The following ATF7 variants were observed in gnomAD, a reference collection of about 807,000 sequenced individuals.
The protein encoded by ATF7 is activating transcription factor 7.
In ATF7, 10 loss-of-function variants were observed where a neutral mutation model predicts 50.4. That is an observed-to-expected ratio of 0.20 (90% CI 0.12 to 0.34). ATF7 has a LOEUF of 0.34. ATF7 is among the 10% of genes least tolerant of loss of function. The pLI, the probability that ATF7 is intolerant of heterozygous loss-of-function variation, is 1.00. For synonymous variants in ATF7, 201 were observed against 226.4 expected, an observed-to-expected ratio of 0.89 and a Z score of 1.01; for missense variants, 465 against 613.9, an observed-to-expected ratio of 0.76 and a Z score of 2.56.
chr12:53,622,652 CAAA>C (rs11348452), intron 1 of ATF7, among the ~76,000 whole-genome samples: 2,276 of 97,202 alleles, frequency 0.023, 52 homozygotes, highest in South Asian at 0.067. Flanking sequence ...AATTGCGTCT[CAAA>C]AAAAAAAAAA....
intron 1 of ATF7, among the ~76,000 whole-genome samples, chr12:53,607,342 C>T (rs2137858717): frequency 6.6e-6 from 1 of 152,192 alleles, no homozygotes; most frequent in East Asian, 1.9e-4. Flanking sequence ...TTTGGGAGTA[C>T]ATATTTAGAC....
chr12:53,554,220 G>A (rs1452885531), intron 2 of ATF7, among the ~76,000 whole-genome samples: 2 of 152,150 alleles, frequency 1.3e-5, no homozygotes, highest in African/African-American at 4.8e-5. Flanking sequence ...AACCTCTGCT[G>A]CCCATGTTCA....
chr12:53,551,305 A>G (rs934960142), intron 3 of ATF7, among the ~76,000 whole-genome samples: 2 of 152,272 alleles, frequency 1.3e-5, no homozygotes, highest in Middle Eastern at 3.4e-3. Context: ...GACTATAGCC[A>G]TGCATCATCA....
chr12:53,508,516 C>T (rs1335412936), downstream of ATF7, among the ~76,000 whole-genome samples: 1 of 150,526 alleles, frequency 6.6e-6, no homozygotes, highest in Non-Finnish European at 1.5e-5. Context: ...GCTGAGATGG[C>T]ACCACTACAC....
intron 2 of ATF7, among the ~76,000 whole-genome samples, chr12:53,564,616 C>T (rs549761535): frequency 1.3e-5 from 2 of 152,296 alleles, no homozygotes; most frequent in East Asian, 1.9e-4. Flanking sequence ...AAAAATCGTA[C>T]ACTCCAGTAT....
chr12:53,600,309 TC>T (rs376063484), intron 2 of ATF7, among the ~76,000 whole-genome samples: 307 of 152,286 alleles, frequency 2.0e-3, no homozygotes, highest in African/African-American at 7.1e-3. Flanking sequence ...GACTTTTATA[TC>T]CATGCAGGTT....
chr12:53,616,153 T>C (rs1436151778), intron 1 of ATF7, among the ~76,000 whole-genome samples: 1 of 152,110 alleles, frequency 6.6e-6, no homozygotes, highest in African/African-American at 2.4e-5. Flanking sequence ...TGGCAAAACA[T>C]GTGACCACAG....
At chr12:53,520,750 T>C (rs1219138096) in intron 11 of ATF7, among the ~76,000 whole-genome samples, 1 of 152,190 alleles carries the variant, frequency 6.6e-6, no homozygotes. Context: ...TCTCAATTAA[T>C]GACAACTTCA....
rs929984797 is a variant in ATF7 at position 53,602,888 on chromosome 12, G to T, written c.-21-1867C>A. ...GTAAACAAAAGTAAATAAATGCAAT[G>T]ACCAGGACCATTAAGGCTGAAAACT... On this transcript the variant is annotated intron_variant, in intron 1 of 11. Transcript: ENST00000420353. Among the ~76,000 whole-genome samples, 12 of 152,168 alleles carry T rather than the reference G, an allele frequency of 7.9e-5. 1 individual carries two copies. The highest frequency in any genetic ancestry group is 3.3e-4 in the Admixed American group (5 of 15,262).
intron 2 of ATF7, among the ~76,000 whole-genome samples, chr12:53,578,474 G>T (rs1411441189): frequency 6.6e-6 from 1 of 150,872 alleles, no homozygotes; most frequent in Non-Finnish European, 1.5e-5. Flanking sequence ...AATCTTAAAA[G>T]AAGTTCTTTA....
intron 1 of ATF7, among the ~76,000 whole-genome samples, chr12:53,623,273 A>C (rs1371797008): frequency 6.6e-6 from 1 of 152,168 alleles, no homozygotes; most frequent in East Asian, 1.9e-4. Flanking sequence ...TTCACATATC[A>C]TAAATTTATT....
At chr12:53,574,156 G>C (rs1941926585) in intron 2 of ATF7, among the ~76,000 whole-genome samples, 1 of 152,076 alleles carries the variant, frequency 6.6e-6, no homozygotes, top group African/African-American at 2.4e-5. Flanking sequence ...AACAGTCCAG[G>C]AATTCCAAAA....
chr12:53,532,065 T>G (rs1240791912), intron 8 of ATF7, among the ~76,000 whole-genome samples, 169 bp from the exon 9 acceptor site: 1 of 152,120 alleles, frequency 6.6e-6, no homozygotes, highest in African/African-American at 2.4e-5. Context: ...AATGTGCACC[T>G]GGATCCCTAA....
chr12:53,587,813 A>G (rs1942761146), intron 2 of ATF7, among the ~76,000 whole-genome samples: 1 of 111,682 alleles, frequency 9.0e-6, no homozygotes, highest in African/African-American at 2.9e-5. Context: ...CTCTATGTAT[A>G]CTTCTACATA....
intron 9 of ATF7, among the ~76,000 whole-genome samples, chr12:53,526,404 T>C (rs1410991374): frequency 1.3e-5 from 2 of 151,846 alleles, no homozygotes; most frequent in Non-Finnish European, 2.9e-5. Context: ...TAATGAATAG[T>C]AAATATATTG....
chr12:53,547,774 T>TGTAC (rs1940041055), intron 3 of ATF7, among the ~76,000 whole-genome samples: 1 of 151,868 alleles, frequency 6.6e-6, no homozygotes, highest in Admixed American at 6.6e-5. Flanking sequence ...TATGTATGTA[T>TGTAC]GTATGTATGT....
intron 6 of ATF7, 94 bp from the exon 7 acceptor site, chr12:53,533,353 G>C (rs769440060): frequency 3.6e-5 from 37 of 1,031,624 alleles, no homozygotes; most frequent in South Asian, 5.7e-5. Context: ...GTCTTCTCTA[G>C]TTAGGGAAGG....
Position 53,539,028 on chromosome 12 carries a change from C to T in ATF7, c.265-1476G>A, listed in dbSNP as rs563216906. Among the ~76,000 whole-genome samples, 11 of 152,254 alleles carry T rather than the reference C, an allele frequency of 7.2e-5. No homozygotes were observed. The South Asian group carries it at 2.3e-3, about 32-fold the overall frequency. ...TCCTCTAGGGCATCTCCTAGCAAAG[C>T]TGCGGTTCAGCAAAGTTCCACACTC... On this transcript the variant is annotated intron_variant, in intron 4 of 11. Transcript: ENST00000420353.
Position 53,538,067 on chromosome 12 carries a change from G to T in ATF7, c.265-515C>A, listed in dbSNP as rs541629028. Among the ~76,000 whole-genome samples, 104 of 152,140 alleles carry T rather than the reference G, an allele frequency of 6.8e-4. 2 individuals are homozygous for T. In the Middle Eastern group the frequency reaches 0.014, roughly 20 times the overall value. Reference sequence around the variant, plus strand: ...CAATTCTGGCCAAATCATTTTGTCGGTAATTCTCAGGGCTTCTGTTTCCCC... The same window carrying T: ...CAATTCTGGCCAAATCATTTTGTCGTTAATTCTCAGGGCTTCTGTTTCCCC... On this transcript the variant is annotated intron_variant, in intron 4 of 11. Coordinates refer to ENST00000420353, the MANE Select transcript of ATF7 (RefSeq NM_006856.3).
Sources: gnomAD v4.1 joint callset for allele counts (sites outside exome capture counted in the v4.1 genomes callset) on GRCh38, gnomAD v4.1.1 for gene constraint, MANE v1.5 for transcripts, NCBI Gene and HGNC (gene_info 2026-07-23, HGNC 2026-07-21) for gene names.